The following NEK11 variants were observed in gnomAD, a reference collection of about 807,000 sequenced individuals.
The protein encoded by NEK11 is serine/threonine-protein kinase Nek11.
Under a neutral mutation model 80.7 loss-of-function variants are expected in NEK11, and 72 were observed. That is an observed-to-expected ratio of 0.89 (90% CI 0.74 to 1.08). The LOEUF (loss-of-function observed/expected upper bound fraction) is 1.08, where lower values mean the gene tolerates loss of function less well. Among genes scored for constraint, NEK11 ranks in the 50% least tolerant of loss-of-function variants. NEK11 has a pLI of 0.00. For missense variants in NEK11, 764 were observed against 763.6 expected (o/e 1.00, Z -0.01); for synonymous variants, 251 against 260.7 (o/e 0.96, Z 0.36).
In NEK11 at chr3:131,109,921, G is replaced by A; in HGVS notation, c.455G>A (p.Arg152Lys). 1 of 1,590,672 alleles carries A rather than the reference G, an allele frequency of 6.3e-7. No individual in the cohort carries two copies. Among genetic ancestry groups the A allele is most frequent in the African/African-American group, 1.4e-5 (1 of 73,356 alleles). The change falls in exon 5 of 18, where the codon AGG (arginine) becomes AAG (lysine). Residue 152 changes from arginine (R) to lysine (K), a missense_variant and splice_region_variant. Coordinates refer to ENST00000383366, the MANE Select transcript of NEK11 (RefSeq NM_024800.5). The part of the protein sequence containing the change: ...LLLGVDYMHE[R>K]RILHRDLKSK... ...CTGGGAGTTGACTACATGCATGAGA[G>A]GTATGTTCATTTGCTACTGGGGGAG...
intron 14 of NEK11, among the ~76,000 whole-genome samples, chr3:131,217,790 T>TA (rs1326252791): frequency 1.3e-5 from 2 of 152,076 alleles, no homozygotes; most frequent in Admixed American, 6.6e-5. Flanking sequence ...TACAATTTCT[T>TA]AAAAAAAATT....
intron 17 of NEK11, among the ~76,000 whole-genome samples, chr3:131,331,796 T>C (rs2097090206): frequency 6.6e-6 from 1 of 152,174 alleles, no homozygotes; most frequent in Admixed American, 6.5e-5. Flanking sequence ...TAAAAAACGG[T>C]GCACTAGGAG....
At chr3:131,113,075 G>A (rs2080394734) in intron 5 of NEK11, among the ~76,000 whole-genome samples, 1 of 152,194 alleles carries the variant, frequency 6.6e-6, no homozygotes, top group Non-Finnish European at 1.5e-5. Flanking sequence ...GCTGGCAGAG[G>A]TGGGTAGAAT....
At chr3:131,268,696 G>C (rs1180039745) in intron 16 of NEK11, among the ~76,000 whole-genome samples, 1 of 152,210 alleles carries the variant, frequency 6.6e-6, no homozygotes, top group African/African-American at 2.4e-5. Flanking sequence ...TCCTGTATTT[G>C]TCTGTCAACC....
intron 3 of NEK11, among the ~76,000 whole-genome samples, chr3:131,038,540 G>A (rs1216712782): frequency 1.3e-5 from 2 of 152,174 alleles, no homozygotes; most frequent in East Asian, 3.8e-4. Flanking sequence ...GTAGGCTGCA[G>A]GGAAACCCTC....
At chr3:131,175,188 T>G (rs1370422812) in intron 14 of NEK11, 1 of 849,640 alleles carries the variant, frequency 1.2e-6, no homozygotes, top group African/African-American at 1.8e-5. Flanking sequence ...CTCTACTCAC[T>G]CACTAATTCC....
At chr3:131,302,910 C>T (rs988285612) in intron 17 of NEK11, among the ~76,000 whole-genome samples, 2 of 151,992 alleles carry the variant, frequency 1.3e-5, no homozygotes, top group Non-Finnish European at 2.9e-5. Flanking sequence ...CTGTTTTCTG[C>T]CTCGGTGCTC....
intron 4 of NEK11, among the ~76,000 whole-genome samples, chr3:131,090,241 T>G (rs953493867): frequency 6.6e-6 from 1 of 152,258 alleles, no homozygotes; most frequent in Non-Finnish European, 1.5e-5. Flanking sequence ...AAAGGCAATC[T>G]GTCATTGGCT....
chr3:131,303,345 T>C (rs2109239568), intron 17 of NEK11, among the ~76,000 whole-genome samples: 1 of 152,334 alleles, frequency 6.6e-6, no homozygotes, highest in East Asian at 1.9e-4. Flanking sequence ...AATATTGGTA[T>C]GTGTGGACTT....
intron 3 of NEK11, among the ~76,000 whole-genome samples, chr3:131,075,880 T>C (rs2074269713): frequency 6.6e-6 from 1 of 152,190 alleles, no homozygotes; most frequent in Non-Finnish European, 1.5e-5. Flanking sequence ...AGATAGTTCA[T>C]AGCAGTGGTG....
chr3:131,198,638 C>T (rs2150355104), intron 14 of NEK11, among the ~76,000 whole-genome samples: 1 of 152,318 alleles, frequency 6.6e-6, no homozygotes, highest in South Asian at 2.1e-4. Context: ...ACATCAGTTT[C>T]CTTACTCAGG....
chr3:131,098,577 CTTT>C (rs755143299), intron 4 of NEK11, among the ~76,000 whole-genome samples: 4 of 136,988 alleles, frequency 2.9e-5, no homozygotes, highest in Non-Finnish European at 3.2e-5. Flanking sequence ...CCTTTGCCCA[CTTT>C]TTTTTTTTTT....
chr3:131,337,756 C>G (rs2110267966), intron 17 of NEK11, among the ~76,000 whole-genome samples: 1 of 152,140 alleles, frequency 6.6e-6, no homozygotes, highest in East Asian at 1.9e-4. Context: ...GACTGCACAG[C>G]TAGCTAGGAG....
chr3:131,149,127 T>C (rs1449418081), intron 7 of NEK11, among the ~76,000 whole-genome samples: 2 of 152,024 alleles, frequency 1.3e-5, no homozygotes, highest in African/African-American at 4.8e-5. Context: ...TATTTTTGAG[T>C]TCCTCAACCT....
At chr3:131,325,344 T>C (rs1422072482) in intron 17 of NEK11, 2 of 133,290 alleles carry the variant, frequency 1.5e-5, no homozygotes, top group Non-Finnish European at 3.1e-5. Flanking sequence ...GTACTACTAC[T>C]CATTTCTAAG....
chr3:131,338,464 C>T lies in NEK11; in HGVS notation c.1719-11093C>T, dbSNP rs949419378. On this transcript the variant is annotated intron_variant, in intron 17 of 17. Transcript: ENST00000383366. The stretch of plus-strand genomic sequence containing the variant: ...TCTTATAAAGTTAAATATACACTTA[C>T]CATACAACCCAGAAATTCCACTCCT... Among the ~76,000 whole-genome samples the T allele has an allele frequency of 1.3e-4, 20 of 151,984 alleles. No homozygotes were observed. In the East Asian group the frequency reaches 1.9e-3, roughly 15 times the overall value.
At chr3:131,176,839 T>C (rs2093046320) in intron 14 of NEK11, among the ~76,000 whole-genome samples, 1 of 152,170 alleles carries the variant, frequency 6.6e-6, no homozygotes, top group African/African-American at 2.4e-5. Context: ...TGTCATCCCA[T>C]GGATCATCAC....
chr3:131,264,262 GT>G (rs1257829692), intron 16 of NEK11, among the ~76,000 whole-genome samples: 1 of 152,160 alleles, frequency 6.6e-6, no homozygotes, highest in African/African-American at 2.4e-5. Context: ...ATTGCTTTTG[GT>G]GTTTTAGTCA....
chr3:131,272,564 C>T (rs1169788381), intron 16 of NEK11, among the ~76,000 whole-genome samples: 2 of 147,964 alleles, frequency 1.4e-5, no homozygotes, highest in Non-Finnish European at 3.0e-5. Context: ...CAACCTCCGC[C>T]TCCCAAGTTC....
Sources: allele counts gnomAD v4.1 joint callset (sites outside exome capture counted in the v4.1 genomes callset), GRCh38; gene constraint gnomAD v4.1.1; transcripts MANE v1.5; gene names NCBI Gene and HGNC (gene_info 2026-07-23, HGNC 2026-07-21).